PLPPR1: variants seen among roughly 807,000 people sequenced by gnomAD.
PLPPR1 encodes phospholipid phosphatase related 1, also known as phospholipid phosphatase-related protein type 1.
In PLPPR1, 10 loss-of-function variants were observed where a neutral mutation model predicts 33.1. The ratio of observed to expected loss-of-function variants is 0.30; its 90% CI spans 0.19 to 0.51. The LOEUF (loss-of-function observed/expected upper bound fraction) is 0.51. Ranked by LOEUF, PLPPR1 falls within the 20% of genes least tolerant of loss-of-function variation. PLPPR1 has a pLI of 0.97. For missense variants in PLPPR1, 304 were observed against 408.1 expected, an observed-to-expected ratio of 0.74 and a Z score of 2.20; for synonymous variants, 151 against 151.0, an observed-to-expected ratio of 1.00 and a Z score of 0.00.
chr9:101,155,937 A>G (rs1831680699), intron 1 of PLPPR1, among the ~76,000 whole-genome samples: 4 of 152,272 alleles, frequency 2.6e-5, no homozygotes, highest in Admixed American at 6.5e-5. Flanking sequence ...TTGGGGACAC[A>G]TTCAAGCAAG....
chr9:101,198,631 G>C (rs775243745), intron 2 of PLPPR1, among the ~76,000 whole-genome samples: 1 of 152,134 alleles, frequency 6.6e-6, no homozygotes, highest in Non-Finnish European at 1.5e-5. Flanking sequence ...GATCCTACAG[G>C]AGCTTCCAGT....
intron 1 of PLPPR1, among the ~76,000 whole-genome samples, chr9:101,144,277 C>A (rs769943564): frequency 2.7e-5 from 4 of 150,892 alleles, no homozygotes; most frequent in Admixed American, 6.6e-5. Flanking sequence ...GGGTGGGGAG[C>A]GGGGAGGGAT....
chr9:101,090,990 C>A (rs545997472), intron 1 of PLPPR1, among the ~76,000 whole-genome samples: 1 of 151,778 alleles, frequency 6.6e-6, no homozygotes, highest in East Asian at 2.0e-4. Flanking sequence ...CTTCTTCCCC[C>A]CTCCACTGTT....
At chr9:101,122,550 A>T (rs1485333079) in intron 1 of PLPPR1, among the ~76,000 whole-genome samples, 1 of 152,240 alleles carries the variant, frequency 6.6e-6, no homozygotes, top group Non-Finnish European at 1.5e-5. Flanking sequence ...TATTTAATTT[A>T]AAACAAAACA....
chr9:101,186,536 G>C (rs1277601396), intron 2 of PLPPR1, among the ~76,000 whole-genome samples: 1 of 151,712 alleles, frequency 6.6e-6, no homozygotes, highest in African/African-American at 2.4e-5. Flanking sequence ...AAACAAAGTT[G>C]GGTTAAACTA....
chr9:101,188,525 TC>T (rs1466385924), intron 2 of PLPPR1, among the ~76,000 whole-genome samples: 1 of 152,074 alleles, frequency 6.6e-6, no homozygotes, highest in African/African-American at 2.4e-5. Context: ...GGTTAAGAAC[TC>T]CCCTGTAACG....
At chr9:101,062,778 A>G (rs926322108) in intron 1 of PLPPR1, among the ~76,000 whole-genome samples, 1 of 151,762 alleles carries the variant, frequency 6.6e-6, no homozygotes, top group Non-Finnish European at 1.5e-5. Context: ...CAAAAATAAT[A>G]GGCTCTATGT....
chr9:101,210,806 C>T (rs559487534), intron 2 of PLPPR1, among the ~76,000 whole-genome samples: 122 of 152,254 alleles, frequency 8.0e-4, no homozygotes, highest in African/African-American at 2.8e-3. Context: ...CTCGCTCTGT[C>T]GCCCAGGCTG....
chr9:101,275,297 C>T (rs1828170019), intron 3 of PLPPR1, among the ~76,000 whole-genome samples: 1 of 152,186 alleles, frequency 6.6e-6, no homozygotes, highest in South Asian at 2.1e-4. Flanking sequence ...GCACTAATGA[C>T]CCCATTCACA....
chr9:101,197,610 G>A (rs192922184), intron 2 of PLPPR1, among the ~76,000 whole-genome samples: 3 of 152,260 alleles, frequency 2.0e-5, no homozygotes, highest in Admixed American at 2.0e-4. Flanking sequence ...TGCCTTTTTG[G>A]AACTATGTGC....
intron 3 of PLPPR1, among the ~76,000 whole-genome samples, chr9:101,278,290 A>G (rs1332462458): frequency 6.6e-6 from 1 of 152,166 alleles, no homozygotes; most frequent in Non-Finnish European, 1.5e-5. Flanking sequence ...ATTGCGTACC[A>G]CATGTTTTTT....
intron 1 of PLPPR1, among the ~76,000 whole-genome samples, chr9:101,035,533 T>C (rs1183432888): frequency 6.6e-6 from 1 of 152,174 alleles, no homozygotes; most frequent in Non-Finnish European, 1.5e-5. Context: ...CCTAACTCCT[T>C]TGGGTTTTTA....
At chr9:101,121,581 G>A (rs7853502) in intron 1 of PLPPR1, among the ~76,000 whole-genome samples, 10,420 of 151,774 alleles carry the variant, frequency 0.069, 1,186 homozygotes, top group African/African-American at 0.24. Context: ...TATTTTTTTT[G>A]TCAATGACTG....
At chr9:101,232,366 A>T (rs2118822214) in intron 2 of PLPPR1, among the ~76,000 whole-genome samples, 1 of 152,088 alleles carries the variant, frequency 6.6e-6, no homozygotes, top group East Asian at 1.9e-4. Flanking sequence ...CACTGGGACA[A>T]CTGGGCAACT....
intron 1 of PLPPR1, among the ~76,000 whole-genome samples, chr9:101,098,534 G>T (rs771300188): frequency 9.9e-5 from 15 of 152,072 alleles, no homozygotes; most frequent in Non-Finnish European, 2.1e-4. Context: ...ACTAGTGAAT[G>T]AGTGGGGAAC....
chr9:101,289,721 C>A (rs1828459188), intron 4 of PLPPR1, among the ~76,000 whole-genome samples: 1 of 152,194 alleles, frequency 6.6e-6, no homozygotes, highest in Non-Finnish European at 1.5e-5. Flanking sequence ...TCCTCCTTGC[C>A]TTCTGCCATG....
intron 1 of PLPPR1, among the ~76,000 whole-genome samples, chr9:101,180,121 TATATATATATATATATATATATAC>T (rs1293628735): frequency 0.014 from 747 of 54,302 alleles, 28 homozygotes; most frequent in African/African-American, 0.026. Context: ...TATATATATA[TATATATATATATATATATATATAC>T]ACACACACAC....
At chr9:101,132,877 G>A (rs1462395510) in intron 1 of PLPPR1, among the ~76,000 whole-genome samples, 1 of 152,096 alleles carries the variant, frequency 6.6e-6, no homozygotes, top group Non-Finnish European at 1.5e-5. Flanking sequence ...TACTTAAGTG[G>A]ACTTTTTCAT....
intron 1 of PLPPR1, among the ~76,000 whole-genome samples, chr9:101,065,157 T>C (rs561648287): frequency 2.2e-4 from 34 of 152,212 alleles, no homozygotes; most frequent in African/African-American, 7.7e-4. Context: ...TAAGGACTTA[T>C]TATTACCAGG....
Sources: allele counts gnomAD v4.1 joint callset (sites outside exome capture counted in the v4.1 genomes callset), GRCh38; gene constraint gnomAD v4.1.1; transcripts MANE v1.5; gene names NCBI Gene and HGNC (gene_info 2026-07-23, HGNC 2026-07-21).